The following DNPEP variants were observed in gnomAD, a reference collection of about 807,000 sequenced individuals.
The protein encoded by DNPEP is aspartyl aminopeptidase.
Under a neutral mutation model 59.1 loss-of-function variants are expected in DNPEP, and 46 were observed. The observed-to-expected ratio is 0.78, with a 90% CI of 0.61 to 0.99. The LOEUF (loss-of-function observed/expected upper bound fraction) is 0.99, where lower values mean the gene tolerates loss of function less well. Ranked by LOEUF, DNPEP falls within the 50% of genes least tolerant of loss-of-function variation. The pLI is 0.00. For missense variants in DNPEP, 617 were observed against 649.9 expected, an observed-to-expected ratio of 0.95 and a Z score of 0.55; for synonymous variants, 229 against 242.2, an observed-to-expected ratio of 0.95 and a Z score of 0.50.
chr2:219,386,484 A>G (rs1953841980), intron 4 of DNPEP, 73 bp from the exon 5 acceptor site: 3 of 1,594,910 alleles, frequency 1.9e-6, no homozygotes, highest in Admixed American at 1.7e-5. Context: ...GCTACTCATA[A>G]GTAACAGACA....
At chr2:219,388,544 G>T, upstream of DNPEP, 1 of 247,122 alleles carries the variant, frequency 4.0e-6, no homozygotes. Context: ...GGGGCTGCTC[G>T]TTAGGCCCCG....
intron 1 of DNPEP, 165 bp downstream of exon 1, chr2:219,387,594 C>G: frequency 6.5e-7 from 1 of 1,528,286 alleles, no homozygotes; most frequent in Non-Finnish European, 8.8e-7. Flanking sequence ...TCGCAGGACT[C>G]CCCCTTCCAG....
Position 219,384,587 on chromosome 2 carries a change from A to G in DNPEP, c.775-144T>C, listed in dbSNP as rs1953733112. ...ACTATTTTGTTTTTTCTTTTTTTTGAGATGAAGGTTCGCTCTTGTCGCCCA... is the reference window on the plus strand; with the variant it reads ...ACTATTTTGTTTTTTCTTTTTTTTGGGATGAAGGTTCGCTCTTGTCGCCCA... On this transcript the variant is annotated intron_variant, in intron 8 of 14. Transcript: ENST00000273075. 2.7e-5 allele frequency: 16 copies of G among 589,278 alleles called. No homozygotes were observed. In the South Asian group the frequency reaches 2.9e-4, roughly 11 times the overall value. The allele number at this position is 589,278 out of a possible 1,614,324, so 36.5% of individuals were successfully genotyped here. A position where few individuals can be genotyped will look rare whatever the true frequency, so the allele number is the denominator to read the frequency against.
upstream of DNPEP, among the ~76,000 whole-genome samples, chr2:219,390,626 C>T (rs983140584): frequency 1.3e-5 from 2 of 152,078 alleles, no homozygotes; most frequent in African/African-American, 2.4e-5. Context: ...GAGGCAAAGG[C>T]GGGTGGATCA....
In DNPEP at chr2:219,386,938, C is replaced by G; in HGVS notation, c.173G>C (p.Ser58Thr). 6.2e-7 allele frequency: 1 copy of G among 1,612,616 alleles called. No homozygotes were observed. The highest frequency in any genetic ancestry group is 1.1e-5 in the South Asian group (1 of 91,060). ...CRNRLLQAGF[S>T]ELKETEKWNI... ...CCATTTCTCAGTCTCCTTGAGTTCA[C>G]TGAAGCCAGCCTGGAGAAGGCGGTT... is the stretch of plus-strand genomic sequence containing the variant. The change falls in exon 3 of 15, where the codon AGT becomes ACT. Residue 58 changes from serine to threonine, a missense_variant. Physicochemically the swap from Ser to Thr is moderately conservative, Grantham distance 58. Transcript: ENST00000273075.
chr2:219,377,797 T>G (rs1184692474), intron 13 of DNPEP, among the ~76,000 whole-genome samples: 4 of 152,002 alleles, frequency 2.6e-5, no homozygotes, highest in Non-Finnish European at 4.4e-5. Context: ...GTGGCATGCA[T>G]CTGTAGTCCC....
chr2:219,375,719 G>A (rs778140462), intron 13 of DNPEP, among the ~76,000 whole-genome samples: 13 of 152,008 alleles, frequency 8.6e-5, no homozygotes, highest in South Asian at 4.1e-4. Flanking sequence ...GCACCACCAC[G>A]TTCAGCTAAT....
intron 1 of DNPEP, 122 bp downstream of exon 1, chr2:219,387,637 G>A: frequency 1.9e-6 from 3 of 1,550,110 alleles, no homozygotes; most frequent in Non-Finnish European, 2.6e-6. Flanking sequence ...CCCTCCGCGG[G>A]GCTTTCGGTT....
chr2:219,388,233 T>C (rs1953939716), upstream of DNPEP, among the ~76,000 whole-genome samples: 1 of 98,320 alleles, frequency 1.0e-5, no homozygotes, highest in African/African-American at 4.0e-5. Flanking sequence ...CCCCGCTTTG[T>C]CCCGCCCCTC....
upstream of DNPEP, among the ~76,000 whole-genome samples, chr2:219,391,578 T>A (rs1399835777): frequency 6.6e-6 from 1 of 152,208 alleles, no homozygotes; most frequent in Non-Finnish European, 1.5e-5. Flanking sequence ...TAGTTTTTTT[T>A]AATGATTGCT....
At chr2:219,381,476 CA>C (rs755948886) in intron 12 of DNPEP, 40 bp from the exon 13 acceptor site, 1 of 1,613,794 alleles carries the variant, frequency 6.2e-7, no homozygotes, top group Non-Finnish European at 8.5e-7. Flanking sequence ...ATGACAGGCC[CA>C]AAGGGAATGA....
rs200549109 is a variant in DNPEP, at chr2:219,381,424, T to C, written c.1150A>G (p.Lys384Glu). ...GCATAGCGTTGCTTGCTGTTCACCT[T>C]GATCACGGGGCCCTGGGGAGAGTCA... ...RPLFHKGPVI[K>E]VNSKQRYASN... Residue 384 changes from lysine (K) to glutamate (E), a missense_variant, in exon 13 of 15, where the codon AAG (lysine) becomes GAG (glutamate). Coordinates refer to ENST00000273075, the MANE Select transcript of DNPEP (RefSeq NM_012100.4). 1 of 1,614,228 alleles carries C rather than the reference T, an allele frequency of 6.2e-7. No individual in the cohort carries two copies.
At chr2:219,385,786 G>T in intron 6 of DNPEP, 80 bp from the exon 7 acceptor site, 1 of 1,424,986 alleles carries the variant, frequency 7.0e-7, no homozygotes, top group Non-Finnish European at 9.6e-7. Flanking sequence ...GGTGCCTCCT[G>T]ATGGGCAACT....
chr2:219,375,153 A>C, intron 13 of DNPEP, 131 bp from the exon 14 acceptor site: 1 of 929,448 alleles, frequency 1.1e-6, no homozygotes, highest in Non-Finnish European at 1.6e-6. Flanking sequence ...AATCAAAGCC[A>C]ATGCTAAATG....
At chr2:219,397,867 G>C (rs1431265361) in intron 1 of DNPEP, among the ~76,000 whole-genome samples, 1 of 152,136 alleles carries the variant, frequency 6.6e-6, no homozygotes, top group Admixed American at 6.5e-5. Flanking sequence ...TGGGATTACA[G>C]GCATGAGCCA....
At chr2:219,388,380 C>G (rs1272052379), upstream of DNPEP, 3 of 144,322 alleles carry the variant, frequency 2.1e-5, no homozygotes, top group African/African-American at 5.2e-5. Flanking sequence ...CACCCCGCCC[C>G]GCTCCTCGCC....
chr2:219,389,111 A>C (rs765790584), upstream of DNPEP: 10 of 152,704 alleles, frequency 6.5e-5, no homozygotes, highest in Admixed American at 3.3e-4. Flanking sequence ...CCAAGATCAC[A>C]TAGCTGTTTG....
In DNPEP at chr2:219,373,074, CTTT is replaced by C. The variant is rs1043331196; in HGVS notation, c.*1215_*1217del. On this transcript the variant is annotated 3_prime_UTR_variant, in exon 15 of 15. Transcript: ENST00000273075. ...AAGCAGGCTTTGACTTTTTCTTTTT[CTTT>C]TTTTTTTTTTGAGAGAGTTTCACCC... Among the ~76,000 whole-genome samples, 9 of 142,518 alleles carry C rather than the reference CTTT, an allele frequency of 6.3e-5. No homozygotes were observed. Among genetic ancestry groups the C allele is most frequent in the Non-Finnish European group, 1.2e-4 (8 of 64,780 alleles). 93.5% of individuals were successfully genotyped at this position (142,518 alleles called of 152,430 possible).
At chr2:219,388,567 G>A (rs761471435), upstream of DNPEP, 45 of 369,840 alleles carry the variant, frequency 1.2e-4, no homozygotes, top group Non-Finnish European at 1.6e-4. Context: ...CTGCACCCCC[G>A]TCACCCACGC....
Sources: gnomAD v4.1 joint callset for allele counts (sites outside exome capture counted in the v4.1 genomes callset) on GRCh38, gnomAD v4.1.1 for gene constraint, MANE v1.5 for transcripts, NCBI Gene and HGNC (gene_info 2026-07-23, HGNC 2026-07-21) for gene names.